PDIA6: variants seen among roughly 807,000 people sequenced by gnomAD.
PDIA6 encodes protein disulfide-isomerase A6.
A neutral mutation model predicts 58.4 loss-of-function variants in PDIA6; 29 were observed. That is an observed-to-expected ratio of 0.50 (90% CI 0.37 to 0.68). The LOEUF (loss-of-function observed/expected upper bound fraction) is 0.68. PDIA6 is among the 30% of genes least tolerant of loss of function. PDIA6 has a pLI of 0.00. For synonymous variants in PDIA6, 192 were observed against 202.6 expected (o/e 0.95, Z 0.44); for missense variants, 480 against 551.0 (o/e 0.87, Z 1.29).
Position 10,783,623 on chromosome 2 carries a change from C to CT in PDIA6, c.*634dup, listed in dbSNP as rs1665536783. ...AGCTAGATTCCTTAATAATTAGTCA[C>CT]TAGAGACAGCCCAAAGACAAATATT... On this transcript the variant is annotated 3_prime_UTR_variant, in exon 13 of 13. Coordinates refer to ENST00000272227, the MANE Select transcript of PDIA6 (RefSeq NM_005742.4). The CT allele has an allele frequency of 5.7e-6, 1 of 175,540 alleles. No individual in the cohort carries two copies. The highest frequency in any genetic ancestry group is 2.4e-5 in the African/African-American group (1 of 41,824). The allele number at this position is 175,540 out of a possible 1,614,324, so 10.9% of individuals were successfully genotyped here. A position where few individuals can be genotyped will look rare whatever the true frequency, so the allele number is the denominator to read the frequency against.
intron 1 of PDIA6, among the ~76,000 whole-genome samples, chr2:10,803,298 C>T (rs1734364): frequency 0.48 from 73,210 of 151,614 alleles, 19,287 homozygotes; most frequent in South Asian, 0.58. Context: ...GCTGGGATTA[C>T]AGGCATGTGC....
intron 4 of PDIA6, among the ~76,000 whole-genome samples, chr2:10,794,139 A>G (rs1187743810): frequency 6.6e-6 from 1 of 152,148 alleles, no homozygotes; most frequent in African/African-American, 2.4e-5. Context: ...GATCTAATAG[A>G]ATCTCTTTAG....
In PDIA6 at chr2:10,784,068, G is replaced by T; in HGVS notation, c.*190C>A. ...AATTCACCGGCTACAACAATTCATA[G>T]AATTTTTCAATGTTTTCTTGAGATG... On this transcript the variant is annotated 3_prime_UTR_variant, in exon 13 of 13. Transcript: ENST00000272227. The T allele has an allele frequency of 2.3e-6, 1 of 437,246 alleles. No homozygotes were observed. Among genetic ancestry groups the T allele is most frequent in the Non-Finnish European group, 4.0e-6 (1 of 247,000 alleles). The allele number at this position is 437,246 out of a possible 1,614,324, so 27.1% of individuals were successfully genotyped here. A position where few individuals can be genotyped will look rare whatever the true frequency, so the allele number is the denominator to read the frequency against.
At chr2:10,829,206 GCTGTTTGTTC>G (rs1667637826) in intron 1 of PDIA6, among the ~76,000 whole-genome samples, 1 of 152,180 alleles carries the variant, frequency 6.6e-6, no homozygotes, top group Non-Finnish European at 1.5e-5. Flanking sequence ...CACCTCCTCA[GCTGTTTGTTC>G]CCCTGATGTC....
upstream of PDIA6, among the ~76,000 whole-genome samples, chr2:10,814,420 C>T (rs1385425755): frequency 6.6e-6 from 1 of 152,176 alleles, no homozygotes; most frequent in Non-Finnish European, 1.5e-5. Context: ...GCGTGGGAAG[C>T]CCAACCGGTG....
chr2:10,794,655 G>A (rs1666192022), intron 4 of PDIA6, among the ~76,000 whole-genome samples: 1 of 151,824 alleles, frequency 6.6e-6, no homozygotes, highest in South Asian at 2.1e-4. Context: ...TAGGCCGGGT[G>A]CGGTGGCTCA....
rs1372791702 is a variant in PDIA6, at chr2:10,784,321, G to C, written c.1260C>G (p.Pro420=). The change falls in exon 13 of 13, where the codon CCC becomes CCG. Residue 420 remains proline (P), a synonymous_variant. Coordinates refer to ENST00000272227, the MANE Select transcript of PDIA6 (RefSeq NM_005742.4). ...CACTGAGGTCAATGTCATCCTCCACGGGAAGCTGGGAGACGACAGAAAGCC... is the reference window on the plus strand; with the variant it reads ...CACTGAGGTCAATGTCATCCTCCACCGGAAGCTGGGAGACGACAGAAAGCC... ...EPWDGRDGEL[P]VEDDIDLSDV... is the part of the protein sequence containing the mutation. The C allele has an allele frequency of 6.2e-7, 1 of 1,612,264 alleles. No individual in the cohort carries two copies. The highest frequency in any genetic ancestry group is 1.3e-5 in the African/African-American group (1 of 74,954).
At chr2:10,821,804 T>C (rs1347067631) in intron 1 of PDIA6, among the ~76,000 whole-genome samples, 4 of 152,080 alleles carry the variant, frequency 2.6e-5, no homozygotes, top group Admixed American at 2.6e-4. Context: ...TTTTATTTTT[T>C]GTAGAGACAG....
At chr2:10,813,255 C>G (rs1360609654), upstream of PDIA6, among the ~76,000 whole-genome samples, 1 of 152,220 alleles carries the variant, frequency 6.6e-6, no homozygotes, top group Non-Finnish European at 1.5e-5. Context: ...TTGCTCCGCA[C>G]GCGCTGTCTG....
rs62129004 is a variant in PDIA6 at position 10,786,894 on chromosome 2, G to T, written c.1157+387C>A. Among the ~76,000 whole-genome samples, 1,366 of 152,244 alleles carry T rather than the reference G, an allele frequency of 9.0e-3. 16 individuals are homozygous for T. The highest frequency in any genetic ancestry group is 0.018 in the East Asian group (92 of 5,180). ...AAATAACTACATTCCAAAGCCAAGT[G>T]CCCAGAAATGGAAACCACATTTCCC... is the stretch of plus-strand genomic sequence containing the variant. On this transcript the variant is annotated intron_variant, in intron 11 of 12. Coordinates refer to ENST00000272227, the MANE Select transcript of PDIA6 (RefSeq NM_005742.4).
intron 2 of PDIA6, among the ~76,000 whole-genome samples, chr2:10,799,471 C>G (rs993622259): frequency 1.3e-5 from 2 of 152,154 alleles, no homozygotes; most frequent in Non-Finnish European, 2.9e-5. Flanking sequence ...TCACAGCCAT[C>G]CAGTGTCAGA....
rs141202056 is a variant in PDIA6 at position 10,817,834 on chromosome 2, A to G, written c.34+1440T>C. ...TCACCATGTAGCTGTTACTTTAGAG[A>G]GAAGATTCTATAGTTTTAGCCATTG... On this transcript the variant is annotated intron_variant, in intron 2 of 13. Coordinates refer to the PDIA6 transcript ENST00000381611. Among the ~76,000 whole-genome samples, 60 of 152,304 alleles carry G rather than the reference A, an allele frequency of 3.9e-4. No individual in the cohort carries two copies. The East Asian group carries it at 6.2e-3, about 16-fold the overall frequency.
chr2:10,834,468 C>T (rs1041235210), upstream of PDIA6, among the ~76,000 whole-genome samples: 2 of 151,788 alleles, frequency 1.3e-5, no homozygotes, highest in Non-Finnish European at 2.9e-5. Context: ...GCCCCTCACC[C>T]CTCTGGGCTG....
intron 5 of PDIA6, 109 bp from the exon 6 acceptor site, chr2:10,792,034 T>G: frequency 8.5e-7 from 1 of 1,179,240 alleles, no homozygotes; most frequent in Non-Finnish European, 1.2e-6. Flanking sequence ...GGGTTTTTCT[T>G]TAGTGAATAA....
intron 1 of PDIA6, among the ~76,000 whole-genome samples, chr2:10,828,031 A>G (rs1304007498): frequency 1.3e-5 from 2 of 151,996 alleles, no homozygotes; most frequent in Non-Finnish European, 2.9e-5. Flanking sequence ...CCTGCCACAC[A>G]CACAGCCTTC....
At chr2:10,790,582 T>G in intron 7 of PDIA6, 137 bp downstream of exon 7, 1 of 634,972 alleles carries the variant, frequency 1.6e-6, no homozygotes, top group Middle Eastern at 2.6e-4. Flanking sequence ...GTTATGACAA[T>G]AAAGTGACTT....
chr2:10,835,769 G>C (rs1406681766), upstream of PDIA6, among the ~76,000 whole-genome samples: 1 of 152,220 alleles, frequency 6.6e-6, no homozygotes, highest in Non-Finnish European at 1.5e-5. Flanking sequence ...CTTAGAGAGG[G>C]GGCCGGGCGC....
intron 1 of PDIA6, among the ~76,000 whole-genome samples, chr2:10,828,913 A>T (rs1392187585): frequency 6.6e-6 from 1 of 152,092 alleles, no homozygotes; most frequent in East Asian, 1.9e-4. Flanking sequence ...CTTGCCTGCT[A>T]GGGTGCCCGC....
chr2:10,824,908 T>C (rs564610547), intron 1 of PDIA6, among the ~76,000 whole-genome samples: 2 of 152,368 alleles, frequency 1.3e-5, no homozygotes, highest in East Asian at 3.9e-4. Context: ...ATGCAAAGTA[T>C]TGATCCTGGG....
Sources: allele counts gnomAD v4.1 joint callset (sites outside exome capture counted in the v4.1 genomes callset), GRCh38; gene constraint gnomAD v4.1.1; transcripts MANE v1.5; gene names NCBI Gene and HGNC (gene_info 2026-07-23, HGNC 2026-07-21).